Variants in USH2A observed in about 807,000 individuals in gnomAD.
USH2A encodes the protein Usher syndrome 2A (autosomal recessive, mild).
USH2A carries 443 observed loss-of-function variants against 538.9 expected under a neutral mutation model. The ratio of observed to expected loss-of-function variants is 0.82; its 90% CI spans 0.76 to 0.89. USH2A has a LOEUF of 0.89. USH2A is among the 40% of genes least tolerant of loss of function. The pLI is 0.00. For missense variants in USH2A, 6,633 were observed against 6,324.8 expected, an observed-to-expected ratio of 1.05 and a Z score of -1.65; for synonymous variants, 2,413 against 2,273.5, an observed-to-expected ratio of 1.06 and a Z score of -1.75.
At chr1:215,890,473 T>C (rs924467080) in intron 40 of USH2A, among the ~76,000 whole-genome samples, 6 of 152,152 alleles carry the variant, frequency 3.9e-5, no homozygotes, top group Admixed American at 3.3e-4. Flanking sequence ...TCATAATCAC[T>C]TTTCGAAGCA....
intron 3 of USH2A, among the ~76,000 whole-genome samples, chr1:216,386,383 G>A (rs2039005376): frequency 6.6e-6 from 1 of 151,236 alleles, no homozygotes; most frequent in South Asian, 2.1e-4. Context: ...TGTAGTCCAA[G>A]CTACTCGGGA....
In USH2A at chr1:216,190,308, A is replaced by G; in HGVS notation, c.4311T>C (p.Tyr1437=). 2.5e-6 allele frequency: 4 copies of G among 1,612,468 alleles called. No individual in the cohort carries two copies. The highest frequency in any genetic ancestry group is 3.4e-6 in the Non-Finnish European group (4 of 1,179,026). ...LSYTVEGLKP[Y]RIYEFTITLC... ...GAGTAATAGTAAACTCATATATCCT[A>G]TAAGGTTTCAGTCCTTCTACAGTGT... Residue 1437 remains tyrosine, a synonymous_variant, in exon 20 of 72, where the codon TAT becomes TAC. Transcript: ENST00000307340.
At chr1:215,698,679 T>A (rs939044440) in intron 61 of USH2A, among the ~76,000 whole-genome samples, 3 of 152,236 alleles carry the variant, frequency 2.0e-5, no homozygotes, top group Non-Finnish European at 4.4e-5. Flanking sequence ...TATTTGTTTT[T>A]TTCTTGTAAA....
chr1:215,705,131 T>TA (rs1659149636), intron 61 of USH2A, among the ~76,000 whole-genome samples: 3 of 152,212 alleles, frequency 2.0e-5, no homozygotes, highest in Non-Finnish European at 2.9e-5. Context: ...GTTATTTTTT[T>TA]AAAAACTATT....
intron 15 of USH2A, among the ~76,000 whole-genome samples, chr1:216,209,284 G>A (rs2035185291): frequency 6.6e-6 from 1 of 152,134 alleles, no homozygotes; most frequent in Admixed American, 6.5e-5. Flanking sequence ...ATGGACACAG[G>A]GAGCGGGGAA....
chr1:215,745,595 C>T (rs1053080456), intron 58 of USH2A, among the ~76,000 whole-genome samples: 11 of 152,132 alleles, frequency 7.2e-5, no homozygotes, highest in East Asian at 5.8e-4. Context: ...AATGAATGAA[C>T]GAACCCTCAA....
At chr1:215,666,754 C>CA (rs1031139976) in intron 64 of USH2A, among the ~76,000 whole-genome samples, 11 of 151,562 alleles carry the variant, frequency 7.3e-5, no homozygotes, top group Admixed American at 5.3e-4. Context: ...GCAGTATTTC[C>CA]AAAAAAAAGT....
chr1:215,647,822 T>G, intron 66 of USH2A, 92 bp from the exon 67 acceptor site: 7 of 1,471,896 alleles, frequency 4.8e-6, no homozygotes, highest in Non-Finnish European at 6.5e-6. Flanking sequence ...TGAGGAGACA[T>G]TTTGTTTTCA....
rs534028844 is a variant in USH2A at position 216,179,891 on chromosome 1, A to G, written c.4397-4409T>C. Among the ~76,000 whole-genome samples, 7 of 152,264 alleles carry G rather than the reference A, an allele frequency of 4.6e-5. No homozygotes were observed. The South Asian group carries it at 1.5e-3, about 32-fold the overall frequency. On this transcript the variant is annotated intron_variant, in intron 20 of 71. Transcript: ENST00000307340. ...AACAGTTCGTTAAGAGACAACACTG[A>G]ATAATGAAAGGGATTTGGTAGACTT...
chr1:216,094,817 T>G (rs1262143563), intron 22 of USH2A, among the ~76,000 whole-genome samples: 1 of 152,200 alleles, frequency 6.6e-6, no homozygotes, highest in Non-Finnish European at 1.5e-5. Context: ...TAACCTGGCT[T>G]GGTCACTTAT....
intron 60 of USH2A, among the ~76,000 whole-genome samples, chr1:215,731,356 T>C (rs1201063430): frequency 1.3e-5 from 2 of 152,248 alleles, no homozygotes; most frequent in Non-Finnish European, 2.9e-5. Context: ...TCTCTCTTTA[T>C]GTCTGAATAC....
At chr1:215,961,839 A>C (rs1279813550) in intron 37 of USH2A, among the ~76,000 whole-genome samples, 1 of 151,914 alleles carries the variant, frequency 6.6e-6, no homozygotes, top group African/African-American at 2.4e-5. Flanking sequence ...CATACATGAC[A>C]TATTATATCA....
chr1:216,055,643 C>G (rs1170269172), intron 30 of USH2A, among the ~76,000 whole-genome samples: 1 of 152,172 alleles, frequency 6.6e-6, no homozygotes, highest in Non-Finnish European at 1.5e-5. Flanking sequence ...GAAAACTTAA[C>G]TATCTAATAG....
chr1:215,853,450 C>T (rs1664074955), intron 44 of USH2A, among the ~76,000 whole-genome samples: 1 of 152,206 alleles, frequency 6.6e-6, no homozygotes, highest in Non-Finnish European at 1.5e-5. Context: ...GCCCTGGAGA[C>T]ATTTTCCCCA....
intron 70 of USH2A, among the ~76,000 whole-genome samples, chr1:215,630,483 T>C (rs1203843433): frequency 3.3e-4 from 3 of 9,168 alleles, no homozygotes; most frequent in Non-Finnish European, 1.2e-3. Flanking sequence ...TGTGTGTGTG[T>C]ATATATATAT....
chr1:216,286,701 GT>G (rs1558365303), intron 11 of USH2A, among the ~76,000 whole-genome samples: 1 of 152,024 alleles, frequency 6.6e-6, no homozygotes, highest in African/African-American at 2.4e-5. Context: ...TCCAGCCTGG[GT>G]GACAGAGCGA....
chr1:215,990,164 C>T (rs1391256124), intron 35 of USH2A, among the ~76,000 whole-genome samples: 1 of 152,148 alleles, frequency 6.6e-6, no homozygotes, highest in African/African-American at 2.4e-5. Context: ...AGCCTGGTAC[C>T]ATTAACTTTG....
At chr1:215,803,649 G>A (rs1248223874) in intron 49 of USH2A, among the ~76,000 whole-genome samples, 2 of 152,110 alleles carry the variant, frequency 1.3e-5, no homozygotes, top group Non-Finnish European at 2.9e-5. Flanking sequence ...CAAACAAATG[G>A]AAGAACATTC....
rs143939923 is a variant in USH2A, at chr1:216,144,448, A to G, written c.4627+30804T>C. ...AAACACATTTCAGCAAAGCTTTGTGAATATCATTGGCTAAAATAAATGCAT... is the reference window on the plus strand; with the variant it reads ...AAACACATTTCAGCAAAGCTTTGTGGATATCATTGGCTAAAATAAATGCAT... On this transcript the variant is annotated intron_variant, in intron 21 of 71. Coordinates refer to ENST00000307340, the MANE Select transcript of USH2A (RefSeq NM_206933.4). 2.4e-3 allele frequency among the ~76,000 whole-genome samples: 372 copies of G among 152,264 alleles called. 5 individuals are homozygous for G. Among genetic ancestry groups the G allele is most frequent in the Admixed American group, 0.021 (322 of 15,280 alleles).
Sources: allele counts gnomAD v4.1 joint callset (sites outside exome capture counted in the v4.1 genomes callset), GRCh38; gene constraint gnomAD v4.1.1; transcripts MANE v1.5; gene names NCBI Gene and HGNC (gene_info 2026-07-23, HGNC 2026-07-21).